The following OSBPL9 variants were observed in gnomAD, a reference collection of about 807,000 sequenced individuals.
The protein encoded by OSBPL9 is oxysterol binding protein like 9, also known as oxysterol-binding protein-related protein 9.
A neutral mutation model predicts 106.6 loss-of-function variants in OSBPL9; 40 were observed. The ratio of observed to expected loss-of-function variants is 0.38; its 90% CI spans 0.29 to 0.49. The LOEUF (loss-of-function observed/expected upper bound fraction) is 0.49, where lower values mean the gene tolerates loss of function less well. Ranked by LOEUF, OSBPL9 falls within the 20% of genes least tolerant of loss-of-function variation. The pLI is 0.97. For synonymous variants in OSBPL9, 269 were observed against 295.4 expected, an observed-to-expected ratio of 0.91 and a Z score of 0.92; for missense variants, 609 against 887.2, an observed-to-expected ratio of 0.69 and a Z score of 3.98.
At chr1:51,529,109 T>C in the OSBPL9 span, among the ~76,000 whole-genome samples, 1 of 152,190 alleles carries the variant, frequency 6.6e-6, no homozygotes, top group African/African-American at 2.4e-5. Context: ...GTGCAATCCT[T>C]ATTAGAATAC....
intron 2 of OSBPL9, among the ~76,000 whole-genome samples, chr1:51,611,932 G>A (rs1192816079): frequency 6.6e-6 from 1 of 152,184 alleles, no homozygotes; most frequent in Non-Finnish European, 1.5e-5. Flanking sequence ...CTGAGATGGC[G>A]CTACTGCACT....
chr1:51,733,453 T>C (rs1413313807), intron 4 of OSBPL9, among the ~76,000 whole-genome samples: 3 of 151,980 alleles, frequency 2.0e-5, no homozygotes, highest in Non-Finnish European at 2.9e-5. Flanking sequence ...AAACGGGGGA[T>C]TGGAAAAATG....
intron 1 of OSBPL9, among the ~76,000 whole-genome samples, chr1:51,625,267 C>T (rs1644700362): frequency 6.6e-6 from 1 of 152,124 alleles, no homozygotes; most frequent in East Asian, 1.9e-4. Context: ...TATGCCACTC[C>T]AAAAGTGGCA....
upstream of OSBPL9, among the ~76,000 whole-genome samples, chr1:51,573,247 A>G (rs573147638): frequency 6.6e-6 from 1 of 151,306 alleles, no homozygotes; most frequent in African/African-American, 2.4e-5. Flanking sequence ...AGTGGCTCAC[A>G]CCTATAATCC....
intron 4 of OSBPL9, among the ~76,000 whole-genome samples, chr1:51,720,792 ATTTTT>A (rs34137715): frequency 2.0e-5 from 2 of 101,136 alleles, no homozygotes. Flanking sequence ...TCAAATTGGA[ATTTTT>A]TTTTTTTTTT....
chr1:51,639,034 G>T (rs575133648), intron 1 of OSBPL9, among the ~76,000 whole-genome samples: 1 of 151,882 alleles, frequency 6.6e-6, no homozygotes, highest in African/African-American at 2.4e-5. Flanking sequence ...GTAGAATTTT[G>T]TCAAGTACTA....
the OSBPL9 span, among the ~76,000 whole-genome samples, chr1:51,550,912 A>C: frequency 1.3e-5 from 2 of 152,258 alleles, no homozygotes. Context: ...AACTAATTTC[A>C]TAAACACCAT....
At chr1:51,719,591 G>A (rs1223375904) in intron 4 of OSBPL9, among the ~76,000 whole-genome samples, 1 of 152,028 alleles carries the variant, frequency 6.6e-6, no homozygotes, top group Non-Finnish European at 1.5e-5. Context: ...ATGAGTTATA[G>A]CAGCTTGTCT....
At chr1:51,787,184 TC>T (rs1451734987) in intron 22 of OSBPL9, among the ~76,000 whole-genome samples, 168 bp from the exon 23 acceptor site, 4 of 152,192 alleles carry the variant, frequency 2.6e-5, no homozygotes, top group African/African-American at 9.7e-5. Flanking sequence ...AGTGGAGTCT[TC>T]TGAGCCCATA....
At chr1:51,623,098 A>G (rs1321876864) in intron 1 of OSBPL9, among the ~76,000 whole-genome samples, 1 of 152,212 alleles carries the variant, frequency 6.6e-6, no homozygotes, top group East Asian at 1.9e-4. Flanking sequence ...TCTAAAGCAT[A>G]TCCATTGGAT....
At chr1:51,702,391 A>G (rs913510765) in intron 3 of OSBPL9, among the ~76,000 whole-genome samples, 5 of 152,304 alleles carry the variant, frequency 3.3e-5, no homozygotes, top group Admixed American at 3.3e-4. Context: ...CATTTCTCTG[A>G]TGGCCAGTGA....
chr1:51,776,727 T>G, intron 14 of OSBPL9, 106 bp from the exon 15 acceptor site: 1 of 729,622 alleles, frequency 1.4e-6, no homozygotes, highest in Non-Finnish European at 2.3e-6. Context: ...GATGTTACCA[T>G]GATTTGAATG....
intron 2 of OSBPL9, among the ~76,000 whole-genome samples, chr1:51,661,382 AATG>A (rs1647140096): frequency 6.6e-6 from 1 of 152,230 alleles, no homozygotes; most frequent in Non-Finnish European, 1.5e-5. Flanking sequence ...TTGGCATCAG[AATG>A]ATGATTCATG....
intron 3 of OSBPL9, among the ~76,000 whole-genome samples, chr1:51,702,903 G>C (rs1363209949): frequency 3.3e-5 from 5 of 152,118 alleles, no homozygotes; most frequent in Non-Finnish European, 2.9e-5. Flanking sequence ...AATAGGGAAT[G>C]CTTTCCCCAT....
intron 3 of OSBPL9, among the ~76,000 whole-genome samples, chr1:51,704,835 A>G (rs998121696): frequency 3.3e-5 from 5 of 152,150 alleles, no homozygotes; most frequent in Admixed American, 2.6e-4. Flanking sequence ...GGGCAACACA[A>G]ACATTCACTC....
intron 1 of OSBPL9, among the ~76,000 whole-genome samples, chr1:51,587,481 T>C (rs1645252660): frequency 6.6e-6 from 1 of 152,240 alleles, no homozygotes; most frequent in Admixed American, 6.5e-5. Context: ...ACTGCATCTG[T>C]TCTTTGACAC....
chr1:51,571,249 T>C, the OSBPL9 span, among the ~76,000 whole-genome samples: 1 of 152,210 alleles, frequency 6.6e-6, no homozygotes, highest in African/African-American at 2.4e-5. Context: ...AATAAGTATG[T>C]GTTAAATTAC....
intron 1 of OSBPL9, among the ~76,000 whole-genome samples, chr1:51,617,996 T>TTGTGTGTGTGTGTGTGTGTGTG (rs58221259): frequency 9.5e-4 from 138 of 145,764 alleles, no homozygotes; most frequent in African/African-American, 3.3e-3. Context: ...TCTTACGTGG[T>TTGTGTGTGTGTGTGTGTGTGTG]TGTGTGTGTG....
intron 15 of OSBPL9, 139 bp downstream of exon 15, chr1:51,777,057 T>C: frequency 1.5e-6 from 1 of 660,156 alleles, no homozygotes; most frequent in Non-Finnish European, 2.6e-6. Context: ...ATAATGTGTT[T>C]ACACTGGTTG....
Sources: gnomAD v4.1 joint callset for allele counts (sites outside exome capture counted in the v4.1 genomes callset) on GRCh38, gnomAD v4.1.1 for gene constraint, MANE v1.5 for transcripts, NCBI Gene and HGNC (gene_info 2026-07-23, HGNC 2026-07-21) for gene names.